The following MTX2 variants were observed in gnomAD, a reference collection of about 807,000 sequenced individuals.
The protein encoded by MTX2 is metaxin-2.
MTX2 carries 35 observed loss-of-function variants against 42.3 expected under a neutral mutation model. The observed-to-expected ratio is 0.83, with a 90% CI of 0.63 to 1.10. The LOEUF (loss-of-function observed/expected upper bound fraction) is 1.10, where lower values mean the gene tolerates loss of function less well. Among genes scored for constraint, MTX2 ranks in the 50% least tolerant of loss-of-function variants. The pLI is 0.00. For synonymous variants in MTX2, 119 were observed against 100.9 expected, an observed-to-expected ratio of 1.18 and a Z score of -1.08; for missense variants, 307 against 304.1, an observed-to-expected ratio of 1.01 and a Z score of -0.07.
intron 8 of MTX2, among the ~76,000 whole-genome samples, chr2:176,329,915 A>G (rs553513686): frequency 2.7e-4 from 40 of 150,732 alleles, no homozygotes; most frequent in Admixed American, 5.3e-4. Flanking sequence ...CTATCTGTCT[A>G]TCTATCTGTC....
At chr2:176,275,152 T>G (rs1558922128) in intron 1 of MTX2, among the ~76,000 whole-genome samples, 1 of 152,232 alleles carries the variant, frequency 6.6e-6, no homozygotes, top group Non-Finnish European at 1.5e-5. Context: ...AATTTTGAAC[T>G]GTTCTTTTAG....
intron 1 of MTX2, among the ~76,000 whole-genome samples, chr2:176,271,460 A>G (rs1210650667): frequency 2.6e-5 from 4 of 152,176 alleles, no homozygotes; most frequent in South Asian, 2.1e-4. Flanking sequence ...TACAAATAAG[A>G]AGACAAACCA....
chr2:176,303,457 G>C (rs1684074026), intron 3 of MTX2, among the ~76,000 whole-genome samples: 1 of 152,006 alleles, frequency 6.6e-6, no homozygotes, highest in Non-Finnish European at 1.5e-5. Flanking sequence ...GCAAAATGGA[G>C]GCTGCAGATG....
At chr2:176,296,468 A>AT (rs1683886332) in intron 1 of MTX2, among the ~76,000 whole-genome samples, 1 of 152,106 alleles carries the variant, frequency 6.6e-6, no homozygotes, top group Non-Finnish European at 1.5e-5. Flanking sequence ...ATTTCACTAC[A>AT]ATTTTTTGTA....
intron 1 of MTX2, among the ~76,000 whole-genome samples, chr2:176,289,335 GTTTC>G (rs1298520227): frequency 6.6e-6 from 1 of 151,850 alleles, no homozygotes; most frequent in Non-Finnish European, 1.5e-5. Context: ...ATACTTATGA[GTTTC>G]TTTGAGAAAT....
chr2:176,318,889 C>G (rs1436799009), intron 3 of MTX2, among the ~76,000 whole-genome samples: 1 of 152,210 alleles, frequency 6.6e-6, no homozygotes, highest in Non-Finnish European at 1.5e-5. Context: ...CCACTAGCCA[C>G]ACGTGCCTGT....
At position 176,269,607 on chromosome 2, in the gene MTX2, G is replaced by A. The variant is rs753261133; in HGVS notation, c.-23G>A. 4 of 1,575,864 alleles carry A rather than the reference G, an allele frequency of 2.5e-6. No individual in the cohort carries two copies. The highest frequency in any genetic ancestry group is 2.3e-5 in the East Asian group (1 of 43,082). On this transcript the variant is annotated 5_prime_UTR_variant, in exon 1 of 10. Coordinates refer to ENST00000249442, the MANE Select transcript of MTX2 (RefSeq NM_006554.5). ...TGAGGCCCGTGGGGGGCAGGCACCC[G>A]GGCGCCGGGCCTCCCAGCCGACATG... is the stretch of plus-strand genomic sequence containing the variant.
chr2:176,323,473 G>GTTT lies in MTX2; in HGVS notation c.208+16_208+18dup. On this transcript the variant is annotated intron_variant, in intron 4 of 9. Transcript: ENST00000249442. ...ATATATGTCTCCATCTGGTAAGTGT[G>GTTT]TTTTTTTTTCTTCTCTGTTAATATT... 1 of 1,583,466 alleles carries GTTT rather than the reference G, an allele frequency of 6.3e-7. No homozygotes were observed. Among genetic ancestry groups the GTTT allele is most frequent in the Non-Finnish European group, 8.6e-7 (1 of 1,158,762 alleles).
In MTX2 at chr2:176,328,265, C is replaced by T. The variant is rs544315333; in HGVS notation, c.286-28C>T. ...GTTTTTGTATATTTAATATGATGTT[C>T]TTTTAAATTTTTTTAAATTCCCTTT... is the stretch of plus-strand genomic sequence containing the variant. On this transcript the variant is annotated intron_variant, in intron 5 of 9. Coordinates refer to ENST00000249442, the MANE Select transcript of MTX2 (RefSeq NM_006554.5). 31 of 1,422,174 alleles carry T rather than the reference C, an allele frequency of 2.2e-5. No individual in the cohort carries two copies. The Admixed American group carries it at 7.4e-4, about 34-fold the overall frequency. The allele number at this position is 1,422,174 out of a possible 1,614,324, so 88.1% of individuals were successfully genotyped here.
chr2:176,310,328 C>G (rs1376558879), intron 3 of MTX2, among the ~76,000 whole-genome samples: 3 of 152,128 alleles, frequency 2.0e-5, no homozygotes, highest in South Asian at 2.1e-4. Context: ...CTCTGGCTGC[C>G]CTTAACATCT....
At chr2:176,309,604 A>C (rs1406800956) in intron 3 of MTX2, among the ~76,000 whole-genome samples, 1 of 151,826 alleles carries the variant, frequency 6.6e-6, no homozygotes, top group Admixed American at 6.6e-5. Flanking sequence ...TATTTAGGAT[A>C]GTTAGCTCTT....
intron 3 of MTX2, 98 bp downstream of exon 3, chr2:176,297,993 CTA>C (rs1683932760): frequency 1.3e-6 from 1 of 770,872 alleles, no homozygotes; most frequent in African/African-American, 1.8e-5. Context: ...ATGTCTGATA[CTA>C]TATGTTTAGA....
At chr2:176,298,722 CA>C (rs954936229) in intron 3 of MTX2, among the ~76,000 whole-genome samples, 1 of 152,042 alleles carries the variant, frequency 6.6e-6, no homozygotes, top group Non-Finnish European at 1.5e-5. Context: ...CCTTGATAAC[CA>C]ATGTAAAAGT....
At chr2:176,327,552 AT>A (rs1684738359) in intron 5 of MTX2, among the ~76,000 whole-genome samples, 2 of 147,886 alleles carry the variant, frequency 1.4e-5, no homozygotes, top group South Asian at 4.2e-4. Flanking sequence ...ATATATATAT[AT>A]CTCCAAAATA....
intron 1 of MTX2, among the ~76,000 whole-genome samples, chr2:176,294,391 T>TA (rs1349661022): frequency 6.6e-6 from 1 of 151,636 alleles, no homozygotes; most frequent in Non-Finnish European, 1.5e-5. Context: ...TTCAAGCAAT[T>TA]CTCTGCCTCA....
intron 3 of MTX2, among the ~76,000 whole-genome samples, chr2:176,302,725 ACTGCAC>A (rs1400046468): frequency 6.6e-6 from 1 of 152,194 alleles, no homozygotes; most frequent in African/African-American, 2.4e-5. Flanking sequence ...GGTGTGAGCC[ACTGCAC>A]CTGACCAAAA....
intron 3 of MTX2, among the ~76,000 whole-genome samples, chr2:176,312,151 A>T (rs896178378): frequency 2.6e-5 from 4 of 152,244 alleles, no homozygotes; most frequent in African/African-American, 9.6e-5. Context: ...CTCTGAACTT[A>T]ACAAGAGTTA....
intron 1 of MTX2, among the ~76,000 whole-genome samples, chr2:176,287,553 G>A (rs375677910): frequency 6.6e-6 from 1 of 152,194 alleles, no homozygotes. Context: ...AACACTTCTC[G>A]TGTCAGGAAT....
intron 3 of MTX2, among the ~76,000 whole-genome samples, chr2:176,307,934 T>C (rs923100079): frequency 1.2e-4 from 18 of 152,164 alleles, no homozygotes. Context: ...TCTAACACTG[T>C]GTTCAATAGG....
Sources: allele counts gnomAD v4.1 joint callset (sites outside exome capture counted in the v4.1 genomes callset), GRCh38; gene constraint gnomAD v4.1.1; transcripts MANE v1.5; gene names NCBI Gene and HGNC (gene_info 2026-07-23, HGNC 2026-07-21).